WWOX: variants seen among roughly 807,000 people sequenced by gnomAD.
The protein encoded by WWOX is WW domain containing oxidoreductase.
Under a neutral mutation model 46.2 loss-of-function variants are expected in WWOX, and 69 were observed. That is an observed-to-expected ratio of 1.49 (90% CI 1.23 to 1.82). The LOEUF is 1.82. Among genes scored for constraint, WWOX ranks in the 40% most tolerant of loss-of-function variants. WWOX has a pLI of 0.00. For missense variants in WWOX, 919 were observed against 542.6 expected, an observed-to-expected ratio of 1.69 and a Z score of -6.89; for synonymous variants, 359 against 202.6, an observed-to-expected ratio of 1.77 and a Z score of -6.56.
At chr16:78,728,106 C>G (rs2048879945) in intron 8 of WWOX, among the ~76,000 whole-genome samples, 1 of 136,762 alleles carries the variant, frequency 7.3e-6, no homozygotes, top group Non-Finnish European at 1.5e-5. Flanking sequence ...ACTGTGTCAC[C>G]CAAGCTGGAG....
intron 4 of WWOX, among the ~76,000 whole-genome samples, chr16:78,145,721 C>T (rs1332796142): frequency 3.9e-5 from 6 of 152,268 alleles, no homozygotes; most frequent in African/African-American, 1.4e-4. Context: ...TAGGCTTCTT[C>T]GTGTTCACAT....
chr16:78,841,927 C>G (rs1055745981), intron 8 of WWOX, among the ~76,000 whole-genome samples: 4 of 152,100 alleles, frequency 2.6e-5, no homozygotes, highest in Admixed American at 6.6e-5. Flanking sequence ...GTATCCTGAT[C>G]TAATTAATGC....
chr16:79,130,492 T>G (rs2049854460), intron 8 of WWOX, among the ~76,000 whole-genome samples: 2 of 152,102 alleles, frequency 1.3e-5, no homozygotes, highest in Non-Finnish European at 2.9e-5. Flanking sequence ...GAAGATGTCC[T>G]TTGAGCTGAG....
intron 8 of WWOX, among the ~76,000 whole-genome samples, chr16:78,712,470 C>A (rs150437459): frequency 1.3e-3 from 201 of 151,648 alleles, no homozygotes; most frequent in Admixed American, 3.9e-3. Context: ...CCACTGCACT[C>A]CAGCCTGGTG....
intron 8 of WWOX, among the ~76,000 whole-genome samples, chr16:78,875,592 CTT>C (rs2151208038): frequency 6.6e-6 from 1 of 152,286 alleles, no homozygotes; most frequent in East Asian, 1.9e-4. Context: ...CTTCATATCC[CTT>C]ATCTCAAGGT....
At chr16:78,762,518 G>A (rs923593874) in intron 8 of WWOX, among the ~76,000 whole-genome samples, 12 of 152,332 alleles carry the variant, frequency 7.9e-5, no homozygotes, top group African/African-American at 2.2e-4. Context: ...ATACGACCCA[G>A]CCCCTGTAAT....
chr16:78,308,933 C>T (rs2080182413), intron 5 of WWOX, among the ~76,000 whole-genome samples: 1 of 152,190 alleles, frequency 6.6e-6, no homozygotes, highest in Non-Finnish European at 1.5e-5. Context: ...ATCTGTTGAT[C>T]TCGGGTGTTT....
chr16:79,195,717 G>C lies in WWOX; in HGVS notation c.1057-15891G>C, dbSNP rs184834881. On this transcript the variant is annotated intron_variant, in intron 8 of 8. Transcript: ENST00000566780. ...TAGCTCCTTGTGAAGGAATGGCAAT[G>C]ATAATGGTTAAGTCAGATTCAAGAA... is the stretch of plus-strand genomic sequence containing the variant. Among the ~76,000 whole-genome samples the C allele has an allele frequency of 2.0e-4, 30 of 152,350 alleles. No individual in the cohort carries two copies. The East Asian group carries it at 3.5e-3, about 18-fold the overall frequency.
intron 8 of WWOX, among the ~76,000 whole-genome samples, chr16:78,456,036 C>T (rs568501907): frequency 2.0e-5 from 3 of 152,210 alleles, no homozygotes; most frequent in East Asian, 1.9e-4. Context: ...TTGTTACTAC[C>T]GAAGGAGCTT....
At chr16:78,975,641 C>A (rs56382340) in intron 8 of WWOX, among the ~76,000 whole-genome samples, 3,809 of 152,192 alleles carry the variant, frequency 0.025, 78 homozygotes, top group Non-Finnish European at 0.042. Context: ...CAACTGTCGT[C>A]CCTCAAAACC....
chr16:78,611,755 G>A (rs1010301910), intron 8 of WWOX, among the ~76,000 whole-genome samples: 6 of 152,208 alleles, frequency 3.9e-5, no homozygotes, highest in African/African-American at 1.4e-4. Context: ...GTTGGCTGCT[G>A]CTCTGATCTC....
chr16:78,698,363 C>G (rs1190181117), intron 8 of WWOX, among the ~76,000 whole-genome samples: 4 of 152,172 alleles, frequency 2.6e-5, no homozygotes, highest in African/African-American at 4.8e-5. Context: ...TATCTTCCAG[C>G]CTTTGTGAGC....
chr16:79,183,869 T>C (rs2050961537), intron 8 of WWOX, among the ~76,000 whole-genome samples: 1 of 152,202 alleles, frequency 6.6e-6, no homozygotes, highest in South Asian at 2.1e-4. Context: ...ACACTGTCAC[T>C]CAGTCCTTTT....
At chr16:78,222,708 C>T (rs1294777686) in intron 5 of WWOX, among the ~76,000 whole-genome samples, 1 of 152,180 alleles carries the variant, frequency 6.6e-6, no homozygotes, top group Non-Finnish European at 1.5e-5. Flanking sequence ...CAGTTTATAC[C>T]TTGGGAGCTG....
At chr16:78,619,359 C>G (rs543335748) in intron 8 of WWOX, among the ~76,000 whole-genome samples, 51 of 53,780 alleles carry the variant, frequency 9.5e-4, no homozygotes, top group Non-Finnish European at 1.6e-3. Context: ...AAGACGCCAT[C>G]TCAAAAAAAA....
intron 8 of WWOX, among the ~76,000 whole-genome samples, chr16:78,975,287 G>A (rs2046548880): frequency 6.6e-6 from 1 of 152,142 alleles, no homozygotes; most frequent in Non-Finnish European, 1.5e-5. Flanking sequence ...ATTTTTGATT[G>A]TCATAACTTA....
At chr16:79,076,966 G>C (rs1011170687) in intron 8 of WWOX, among the ~76,000 whole-genome samples, 3 of 152,142 alleles carry the variant, frequency 2.0e-5, no homozygotes, top group Admixed American at 6.5e-5. Context: ...TGCAGGTGAG[G>C]CTTAAAGAGG....
chr16:79,093,328 A>G (rs1425304602), intron 8 of WWOX, among the ~76,000 whole-genome samples: 1 of 152,160 alleles, frequency 6.6e-6, no homozygotes, highest in Non-Finnish European at 1.5e-5. Context: ...AGGGGATGAG[A>G]CTCTAAATTT....
chr16:79,122,796 C>T (rs951669560), intron 8 of WWOX, among the ~76,000 whole-genome samples: 2 of 152,152 alleles, frequency 1.3e-5, no homozygotes, highest in African/African-American at 2.4e-5. Context: ...ATACCTTGCC[C>T]ATTTTTGCCT....
Sources: gnomAD v4.1 joint callset for allele counts (sites outside exome capture counted in the v4.1 genomes callset) on GRCh38, gnomAD v4.1.1 for gene constraint, MANE v1.5 for transcripts, NCBI Gene and HGNC (gene_info 2026-07-23, HGNC 2026-07-21) for gene names.